CNTNAP2: variants seen among roughly 807,000 people sequenced by gnomAD.
CNTNAP2 encodes contactin-associated protein-like 2.
CNTNAP2 carries 98 observed loss-of-function variants against 155.2 expected under a neutral mutation model. The ratio of observed to expected loss-of-function variants is 0.63; its 90% confidence interval spans 0.54 to 0.75. The LOEUF is 0.75. CNTNAP2 is among the 30% of genes least tolerant of loss of function. The pLI is 0.00. For missense variants in CNTNAP2, 1,727 were observed against 1,688.1 expected, an observed-to-expected ratio of 1.02 and a Z score of -0.40; for synonymous variants, 651 against 631.2, an observed-to-expected ratio of 1.03 and a Z score of -0.47.
At chr7:147,650,831 A>AT (rs139979656) in intron 13 of CNTNAP2, among the ~76,000 whole-genome samples, 1 of 151,884 alleles carries the variant, frequency 6.6e-6, no homozygotes, top group Non-Finnish European at 1.5e-5. Context: ...ATAGAGTGAA[A>AT]TTTTTTTTAT....
chr7:148,039,751 A>AT (rs1424392765), intron 15 of CNTNAP2, among the ~76,000 whole-genome samples: 1 of 152,186 alleles, frequency 6.6e-6, no homozygotes, highest in Non-Finnish European at 1.5e-5. Flanking sequence ...TCATGCATGC[A>AT]TTGGCTCCAT....
At chr7:146,792,335 A>G (rs1802689675) in intron 2 of CNTNAP2, among the ~76,000 whole-genome samples, 1 of 152,238 alleles carries the variant, frequency 6.6e-6, no homozygotes, top group Non-Finnish European at 1.5e-5. Context: ...CATGAATAAA[A>G]CAAAGCTGAT....
intron 1 of CNTNAP2, among the ~76,000 whole-genome samples, chr7:146,395,301 CA>C (rs1795603579): frequency 6.6e-6 from 1 of 152,080 alleles, no homozygotes; most frequent in African/African-American, 2.4e-5. Context: ...GTGTGGGATT[CA>C]AACCCAGGGA....
At chr7:148,357,801 A>C (rs1387440279) in intron 21 of CNTNAP2, among the ~76,000 whole-genome samples, 2 of 152,372 alleles carry the variant, frequency 1.3e-5, no homozygotes, top group Admixed American at 6.5e-5. Context: ...GTGTGACTTA[A>C]TATATGCATA....
At chr7:147,486,123 C>T (rs1798506397) in intron 11 of CNTNAP2, 82 bp downstream of exon 11, 1 of 1,114,914 alleles carries the variant, frequency 9.0e-7, no homozygotes, top group Admixed American at 1.8e-5. Context: ...GCTCAGCAAC[C>T]TGAATAATCC....
At chr7:147,580,397 G>T (rs1800476064) in intron 12 of CNTNAP2, among the ~76,000 whole-genome samples, 1 of 152,206 alleles carries the variant, frequency 6.6e-6, no homozygotes, top group Non-Finnish European at 1.5e-5. Flanking sequence ...GAGCTGAAGA[G>T]AATATTAATT....
At chr7:146,392,124 T>C (rs556883190) in intron 1 of CNTNAP2, among the ~76,000 whole-genome samples, 2 of 152,296 alleles carry the variant, frequency 1.3e-5, no homozygotes, top group South Asian at 4.1e-4. Context: ...ACCTAGAATT[T>C]AGTACTTTGG....
intron 15 of CNTNAP2, among the ~76,000 whole-genome samples, chr7:148,025,379 C>G (rs1802357638): frequency 6.6e-6 from 1 of 152,168 alleles, no homozygotes; most frequent in Non-Finnish European, 1.5e-5. Context: ...TTTGGACATT[C>G]CTATGATTTA....
chr7:146,449,495 C>T (rs1796447361), intron 1 of CNTNAP2, among the ~76,000 whole-genome samples: 1 of 152,100 alleles, frequency 6.6e-6, no homozygotes, highest in Non-Finnish European at 1.5e-5. Context: ...TATCTTTTCT[C>T]TGCTTTTCAG....
At chr7:147,992,032 G>A (rs1397230407) in intron 15 of CNTNAP2, among the ~76,000 whole-genome samples, 1 of 148,478 alleles carries the variant, frequency 6.7e-6, no homozygotes, top group Non-Finnish European at 1.5e-5. Flanking sequence ...ACTATCATCA[G>A]GATAAAAAAA....
intron 15 of CNTNAP2, among the ~76,000 whole-genome samples, chr7:148,104,085 T>C (rs572869475): frequency 6.6e-6 from 1 of 152,344 alleles, no homozygotes; most frequent in African/African-American, 2.4e-5. Flanking sequence ...AACTGAGGTC[T>C]TAGAAGACTG....
At chr7:147,372,678 C>T (rs1796366410) in intron 9 of CNTNAP2, among the ~76,000 whole-genome samples, 1 of 152,040 alleles carries the variant, frequency 6.6e-6, no homozygotes. Flanking sequence ...ACTAAGAGAC[C>T]TTGTCTCCCT....
At position 148,393,222 on chromosome 7, in the gene CNTNAP2, A is replaced by G. The variant is rs192269916; in HGVS notation, c.3715+9334A>G. ...TAATCATTCCTGCTCTTATAATTAC[A>G]TCTGAATTATTTCTGAACAGATCCC... On this transcript the variant is annotated intron_variant, in intron 22 of 23. Transcript: ENST00000361727. Among the ~76,000 whole-genome samples the G allele has an allele frequency of 7.0e-4, 106 of 152,322 alleles. 2 individuals are homozygous for G. The highest frequency in any genetic ancestry group is 6.8e-3 in the Middle Eastern group (2 of 294).
At chr7:147,752,193 C>G (rs17170670) in intron 13 of CNTNAP2, among the ~76,000 whole-genome samples, 1,673 of 152,236 alleles carry the variant, frequency 0.011, 94 homozygotes, top group Admixed American at 0.087. Flanking sequence ...TTTAATTGAA[C>G]AGAAGGAACA....
chr7:147,350,036 C>T (rs1001596346), intron 9 of CNTNAP2, among the ~76,000 whole-genome samples: 3 of 151,856 alleles, frequency 2.0e-5, no homozygotes, highest in Non-Finnish European at 4.4e-5. Context: ...TAAATTATAA[C>T]ATCATTCCTG....
rs577800684 is a variant in CNTNAP2 at position 147,733,975 on chromosome 7, A to G, written c.2098+94669A>G. On this transcript the variant is annotated intron_variant, in intron 13 of 23. Transcript: ENST00000361727. The stretch of plus-strand genomic sequence containing the variant: ...TTCATCTGCAAACAAGGACAATTTG[A>G]CTTCCTCTTTTCCTAATTGAATGCC... Among the ~76,000 whole-genome samples the G allele has an allele frequency of 3.9e-5, 6 of 152,286 alleles. No individual in the cohort carries two copies. The East Asian group carries it at 1.2e-3, about 29-fold the overall frequency.
At chr7:147,995,596 C>T (rs182165391) in intron 15 of CNTNAP2, among the ~76,000 whole-genome samples, 40 of 151,488 alleles carry the variant, frequency 2.6e-4, no homozygotes, top group African/African-American at 9.0e-4. Flanking sequence ...GGTGCAACCT[C>T]AGCTCACTGC....
chr7:146,732,774 C>CT (rs1801548432), intron 1 of CNTNAP2, among the ~76,000 whole-genome samples: 1 of 152,044 alleles, frequency 6.6e-6, no homozygotes, highest in Non-Finnish European at 1.5e-5. Context: ...TTTTCTATAA[C>CT]CTGCACACAT....
chr7:147,890,194 T>C (rs1799667144), intron 13 of CNTNAP2, among the ~76,000 whole-genome samples: 1 of 152,110 alleles, frequency 6.6e-6, no homozygotes, highest in African/African-American at 2.4e-5. Context: ...CTAAAAATAA[T>C]AATAATCAAA....
Sources: allele counts gnomAD v4.1 joint callset (sites outside exome capture counted in the v4.1 genomes callset), GRCh38; gene constraint gnomAD v4.1.1; transcripts MANE v1.5; gene names NCBI Gene and HGNC (gene_info 2026-07-23, HGNC 2026-07-21).